The following ERGIC2 variants were observed in gnomAD, a reference collection of about 807,000 sequenced individuals.
ERGIC2 encodes the protein ERGIC and golgi 2, also known as endoplasmic reticulum-Golgi intermediate compartment protein 2.
In ERGIC2, 31 loss-of-function variants were observed where a neutral mutation model predicts 52.5. The ratio of observed to expected loss-of-function variants is 0.59; its 90% CI spans 0.44 to 0.80. ERGIC2 has a LOEUF of 0.80. Among genes scored for constraint, ERGIC2 ranks in the 30% least tolerant of loss-of-function variants. ERGIC2 has a pLI of 0.00. For missense variants in ERGIC2, 395 were observed against 455.2 expected (o/e 0.87, Z 1.20); for synonymous variants, 129 against 140.6 (o/e 0.92, Z 0.58).
At chr12:29,352,183 A>T (rs1187351551) in intron 8 of ERGIC2, among the ~76,000 whole-genome samples, 1 of 152,236 alleles carries the variant, frequency 6.6e-6, no homozygotes, top group Non-Finnish European at 1.5e-5. Flanking sequence ...AAGTAATGAG[A>T]GAGTCATATA....
In ERGIC2 at chr12:29,368,210, T is replaced by G. The variant is rs1398444571; in HGVS notation, c.262+31A>C. On this transcript the variant is annotated intron_variant, in intron 4 of 13. Coordinates refer to ENST00000360150, the MANE Select transcript of ERGIC2 (RefSeq NM_016570.3). ...GCAATTGTTTGAACCATAACCTACATGTGGATTCAGCAAGTTGAAGGTGTA... is the reference window on the plus strand; with the variant it reads ...GCAATTGTTTGAACCATAACCTACAGGTGGATTCAGCAAGTTGAAGGTGTA... 15 of 1,404,014 alleles carry G rather than the reference T, an allele frequency of 1.1e-5. No individual in the cohort carries two copies. The South Asian group carries it at 1.8e-4, about 16-fold the overall frequency. The allele number at this position is 1,404,014 out of a possible 1,614,324, so 87.0% of individuals were successfully genotyped here. A position where few individuals can be genotyped will look rare whatever the true frequency, so the allele number is the denominator to read the frequency against.
intron 1 of ERGIC2, among the ~76,000 whole-genome samples, chr12:29,374,855 C>A (rs1318002956): frequency 1.3e-5 from 2 of 152,136 alleles, no homozygotes; most frequent in Non-Finnish European, 2.9e-5. Flanking sequence ...AATTCTCTCT[C>A]TATACTGTAA....
chr12:29,376,145 A>G (rs992025467), intron 1 of ERGIC2, among the ~76,000 whole-genome samples: 16 of 152,168 alleles, frequency 1.1e-4, no homozygotes, highest in African/African-American at 3.9e-4. Flanking sequence ...TTTAAACATT[A>G]ATTCATTTAA....
chr12:29,368,209 A>C (rs1167065608), intron 4 of ERGIC2, 32 bp downstream of exon 4: 1 of 1,383,000 alleles, frequency 7.2e-7, no homozygotes, highest in Non-Finnish European at 1.0e-6. Context: ...CATAACCTAC[A>C]TGTGGATTCA....
At position 29,341,233 on chromosome 12, in the gene ERGIC2, A is replaced by T. The variant is rs370523718; in HGVS notation, c.1072-15T>A. On this transcript the variant is annotated splice_polypyrimidine_tract_variant and intron_variant, in intron 13 of 13. Coordinates refer to ENST00000360150, the MANE Select transcript of ERGIC2 (RefSeq NM_016570.3). ...TCAAAAGGAACCTAAGGAGAAAAGG[A>T]GGGAAAAAAAGACCAAAGAATTAGT... The T allele has an allele frequency of 3.5e-4, 562 of 1,592,762 alleles. No individual in the cohort carries two copies. Among genetic ancestry groups the T allele is most frequent in the Non-Finnish European group, 4.7e-4 (542 of 1,165,326 alleles).
intron 5 of ERGIC2, among the ~76,000 whole-genome samples, chr12:29,365,941 T>C (rs1446763997): frequency 6.6e-6 from 1 of 151,974 alleles, no homozygotes; most frequent in Admixed American, 6.6e-5. Context: ...CTATTTAAAA[T>C]GTATATGTCA....
At chr12:29,349,924 G>T in intron 9 of ERGIC2, 89 bp downstream of exon 9, 2 of 728,438 alleles carry the variant, frequency 2.7e-6, no homozygotes, top group Non-Finnish European at 4.7e-6. Flanking sequence ...TTTCAAAACA[G>T]CTCACTTTCA....
chr12:29,347,214 A>AGGC (rs1265517515), intron 10 of ERGIC2, among the ~76,000 whole-genome samples: 1 of 152,204 alleles, frequency 6.6e-6, no homozygotes, highest in East Asian at 1.9e-4. Flanking sequence ...TAGATAGTAT[A>AGGC]GGCATTCTCT....
intron 6 of ERGIC2, among the ~76,000 whole-genome samples, chr12:29,358,605 T>C (rs542551027): frequency 6.6e-6 from 1 of 152,158 alleles, no homozygotes; most frequent in Non-Finnish European, 1.5e-5. Context: ...TTGTTGATAA[T>C]GGGGGAACCT....
rs1196777301 is a variant in ERGIC2 at position 29,341,822 on chromosome 12, A to G, written c.989-6T>C. ...TCCAATTCCATGTAACATGCCTGTAATAAACAATAAGTTTATGCTTTTAAT... is the reference window on the plus strand; with the variant it reads ...TCCAATTCCATGTAACATGCCTGTAGTAAACAATAAGTTTATGCTTTTAAT... On this transcript the variant is annotated splice_region_variant and splice_polypyrimidine_tract_variant and intron_variant, in intron 12 of 13. Coordinates refer to ENST00000360150, the MANE Select transcript of ERGIC2 (RefSeq NM_016570.3). 1 of 1,384,562 alleles carries G rather than the reference A, an allele frequency of 7.2e-7. No individual in the cohort carries two copies. Among genetic ancestry groups the G allele is most frequent in the South Asian group, 1.2e-5 (1 of 85,942 alleles). 85.8% of individuals were successfully genotyped at this position (1,384,562 alleles called of 1,614,324 possible).
chr12:29,365,806 T>C lies in ERGIC2; in HGVS notation c.333+1071A>G, dbSNP rs1030790697. On this transcript the variant is annotated intron_variant, in intron 5 of 13. Transcript: ENST00000360150. ...GATAATAGTGTAATATGCTGTCATA[T>C]ATGAATCTGTAAGGTAACTAAGCTC... Among the ~76,000 whole-genome samples the C allele has an allele frequency of 5.3e-5, 8 of 152,008 alleles. No homozygotes were observed. The East Asian group carries it at 1.3e-3, about 26-fold the overall frequency.
chr12:29,344,274 C>T (rs1016145091), intron 11 of ERGIC2, among the ~76,000 whole-genome samples: 6 of 152,140 alleles, frequency 3.9e-5, no homozygotes, highest in East Asian at 1.9e-4. Flanking sequence ...ATAGCTTTCT[C>T]GAAGTGCAAT....
chr12:29,363,065 A>G (rs745965423), intron 5 of ERGIC2, among the ~76,000 whole-genome samples: 7 of 152,092 alleles, frequency 4.6e-5, no homozygotes, highest in Non-Finnish European at 1.0e-4. Flanking sequence ...AACCTTCCTA[A>G]CCACCTCGTG....
At chr12:29,363,551 A>T (rs1439922022) in intron 5 of ERGIC2, among the ~76,000 whole-genome samples, 1 of 152,022 alleles carries the variant, frequency 6.6e-6, no homozygotes, top group Non-Finnish European at 1.5e-5. Context: ...TCATTAAGAT[A>T]CAATTTTTAA....
intron 3 of ERGIC2, among the ~76,000 whole-genome samples, chr12:29,369,709 T>C (rs1297923327): frequency 6.6e-6 from 1 of 151,998 alleles, no homozygotes; most frequent in South Asian, 2.1e-4. Context: ...CTTATTTACA[T>C]AAAGATTTAG....
chr12:29,341,765 A>G lies in ERGIC2; in HGVS notation c.1040T>C (p.Phe347Ser). ...GACAGGTTTATAGGATCCAAGTCTG[A>G]AACGACAGCAAATTATTTCAACTAT... ...KFIVEIICCRFRLGSYKPVNS... is the reference protein window; with the variant it reads ...KFIVEIICCRSRLGSYKPVNS... The change falls in exon 13 of 14, where the codon TTC becomes TCC. Residue 347 changes from phenylalanine (F) to serine (S), a missense_variant. Transcript: ENST00000360150. 1 of 1,601,900 alleles carries G rather than the reference A, an allele frequency of 6.2e-7. No homozygotes were observed. The highest frequency in any genetic ancestry group is 1.3e-5 in the African/African-American group (1 of 74,780).
In ERGIC2 at chr12:29,340,778, C is replaced by T. The variant is rs879408466; in HGVS notation, c.*378G>A. The T allele has an allele frequency of 5.5e-5, 23 of 416,412 alleles. No homozygotes were observed. The highest frequency in any genetic ancestry group is 9.2e-5 in the Non-Finnish European group (20 of 217,542). 25.8% of individuals were successfully genotyped at this position (416,412 alleles called of 1,614,324 possible). ...AAAAACAAAAGGATGCGAACATTTG[C>T]ACTTCTCAATGTTTTTTTTTTTCCC... On this transcript the variant is annotated 3_prime_UTR_variant, in exon 14 of 14. Transcript: ENST00000360150.
At chr12:29,375,114 C>A (rs930042775) in intron 1 of ERGIC2, among the ~76,000 whole-genome samples, 1 of 152,098 alleles carries the variant, frequency 6.6e-6, no homozygotes, top group Admixed American at 6.6e-5. Context: ...TTCCCCCTAC[C>A]GCATCTCTAC....
intron 1 of ERGIC2, among the ~76,000 whole-genome samples, chr12:29,376,269 A>G (rs781064251): frequency 6.6e-5 from 10 of 152,178 alleles, no homozygotes; most frequent in Non-Finnish European, 1.2e-4. Flanking sequence ...CAGGTGGTAG[A>G]ACTTGAAACT....
Sources: gnomAD v4.1 joint callset for allele counts (sites outside exome capture counted in the v4.1 genomes callset) on GRCh38, gnomAD v4.1.1 for gene constraint, MANE v1.5 for transcripts, NCBI Gene and HGNC (gene_info 2026-07-23, HGNC 2026-07-21) for gene names.